Variants in FHIT observed in about 807,000 individuals in gnomAD.
FHIT encodes bis(5'-adenosyl)-triphosphatase.
A neutral mutation model predicts 17.9 loss-of-function variants in FHIT; 19 were observed. The ratio of observed to expected loss-of-function variants is 1.06; its 90% CI spans 0.74 to 1.56. The LOEUF (loss-of-function observed/expected upper bound fraction) is 1.56. Among genes scored for constraint, FHIT ranks in the 40% most tolerant of loss-of-function variants. FHIT has a pLI of 0.00. For synonymous variants in FHIT, 81 were observed against 69.7 expected, an observed-to-expected ratio of 1.16 and a Z score of -0.81; for missense variants, 248 against 189.2, an observed-to-expected ratio of 1.31 and a Z score of -1.82.
intron 5 of FHIT, among the ~76,000 whole-genome samples, chr3:60,180,704 G>T (rs550912249): frequency 6.6e-6 from 1 of 152,050 alleles, no homozygotes; most frequent in African/African-American, 2.4e-5. Context: ...ATAATTTGAC[G>T]TTGATGCTTT....
intron 5 of FHIT, among the ~76,000 whole-genome samples, chr3:60,029,161 A>G (rs1316521937): frequency 6.6e-6 from 1 of 152,140 alleles, no homozygotes; most frequent in Admixed American, 6.6e-5. Context: ...ATTTCTTTAT[A>G]CTCTGATAAC....
At chr3:59,850,717 G>A (rs1025115244) in intron 8 of FHIT, among the ~76,000 whole-genome samples, 1 of 152,158 alleles carries the variant, frequency 6.6e-6, no homozygotes, top group Non-Finnish European at 1.5e-5. Context: ...CTGACACTGG[G>A]AACAATGACT....
At chr3:60,580,954 G>A (rs2037731068) in intron 4 of FHIT, among the ~76,000 whole-genome samples, 1 of 152,032 alleles carries the variant, frequency 6.6e-6, no homozygotes, top group Non-Finnish European at 1.5e-5. Flanking sequence ...TCACCAGGAA[G>A]CTTTTAAAAT....
At chr3:59,793,008 T>C (rs2106937816) in intron 8 of FHIT, among the ~76,000 whole-genome samples, 1 of 152,148 alleles carries the variant, frequency 6.6e-6, no homozygotes, top group African/African-American at 2.4e-5. Flanking sequence ...TGACTGCTTG[T>C]TTATTCCTTT....
intron 5 of FHIT, among the ~76,000 whole-genome samples, chr3:60,055,448 C>CTT (rs4024133): frequency 0.37 from 52,622 of 142,848 alleles, 10,235 homozygotes; most frequent in Middle Eastern, 0.54. Context: ...GATGGACTTT[C>CTT]TTTTTTTTTT....
chr3:60,676,160 C>T (rs2040616998), intron 4 of FHIT, among the ~76,000 whole-genome samples: 1 of 152,200 alleles, frequency 6.6e-6, no homozygotes, highest in African/African-American at 2.4e-5. Context: ...CAGATGCTCC[C>T]TTTCAGGTTG....
intron 5 of FHIT, among the ~76,000 whole-genome samples, chr3:60,217,358 C>T (rs568672425): frequency 1.2e-4 from 18 of 152,146 alleles, no homozygotes; most frequent in African/African-American, 3.4e-4. Flanking sequence ...TTGAGCTCAT[C>T]GCCCATATCC....
At chr3:59,836,875 A>C (rs1701357618) in intron 8 of FHIT, among the ~76,000 whole-genome samples, 1 of 152,188 alleles carries the variant, frequency 6.6e-6, no homozygotes, top group African/African-American at 2.4e-5. Context: ...GCCCCTGCAA[A>C]GGCAGAATGG....
intron 7 of FHIT, among the ~76,000 whole-genome samples, chr3:59,971,250 G>A (rs967020510): frequency 6.6e-6 from 1 of 152,088 alleles, no homozygotes; most frequent in Non-Finnish European, 1.5e-5. Context: ...ACAAATTACA[G>A]GGAATACGAA....
intron 2 of FHIT, among the ~76,000 whole-genome samples, chr3:61,086,929 C>T (rs1396638049): frequency 6.6e-6 from 1 of 152,016 alleles, no homozygotes; most frequent in Non-Finnish European, 1.5e-5. Flanking sequence ...CATCTCCTAC[C>T]ACTCACTCCC....
chr3:60,859,618 T>C (rs1201839501), intron 3 of FHIT, among the ~76,000 whole-genome samples: 3 of 151,732 alleles, frequency 2.0e-5, no homozygotes, highest in East Asian at 1.9e-4. Flanking sequence ...TGAAGGCTAC[T>C]TGTTAAAGAA....
intron 3 of FHIT, among the ~76,000 whole-genome samples, chr3:60,935,255 C>T (rs1439435379): frequency 6.6e-6 from 1 of 152,158 alleles, no homozygotes; most frequent in African/African-American, 2.4e-5. Context: ...CCTTTTGGAA[C>T]AAGATAAATC....
At chr3:61,063,489 A>T (rs2034499724) in intron 2 of FHIT, among the ~76,000 whole-genome samples, 1 of 152,162 alleles carries the variant, frequency 6.6e-6, no homozygotes, top group Admixed American at 6.5e-5. Flanking sequence ...CCAGAAGAGC[A>T]AAACAATCCC....
chr3:60,957,721 G>A (rs1016646660), intron 3 of FHIT, among the ~76,000 whole-genome samples: 2 of 152,190 alleles, frequency 1.3e-5, no homozygotes, highest in Non-Finnish European at 2.9e-5. Flanking sequence ...CCTCTCGGAA[G>A]CCCAGCCTGA....
chr3:59,994,028 A>G (rs1174819483), intron 7 of FHIT, among the ~76,000 whole-genome samples: 1 of 152,068 alleles, frequency 6.6e-6, no homozygotes, highest in Non-Finnish European at 1.5e-5. Context: ...CTATGACACC[A>G]AGCACCATCA....
chr3:60,798,284 G>GA (rs1387814454), intron 4 of FHIT, among the ~76,000 whole-genome samples: 1 of 151,726 alleles, frequency 6.6e-6, no homozygotes, highest in East Asian at 1.9e-4. Context: ...ATGAAGATGA[G>GA]AAAAAATAAC....
chr3:60,583,892 G>A (rs1389368106), intron 4 of FHIT, among the ~76,000 whole-genome samples: 1 of 152,048 alleles, frequency 6.6e-6, no homozygotes, highest in Non-Finnish European at 1.5e-5. Flanking sequence ...AATTCTCTCA[G>A]TAGTAAAAGT....
chr3:61,116,088 C>T (rs2036290939), intron 2 of FHIT, among the ~76,000 whole-genome samples: 1 of 151,950 alleles, frequency 6.6e-6, no homozygotes, highest in Admixed American at 6.6e-5. Context: ...ACAACATTTA[C>T]AACAGGTAAC....
chr3:60,323,965 G>C (rs999517789), intron 5 of FHIT, among the ~76,000 whole-genome samples: 4 of 134,674 alleles, frequency 3.0e-5, no homozygotes, highest in Non-Finnish European at 1.6e-5. Flanking sequence ...TCCCAAGCTT[G>C]CCAGAAACAC....
Sources: gnomAD v4.1 joint callset for allele counts (sites outside exome capture counted in the v4.1 genomes callset) on GRCh38, gnomAD v4.1.1 for gene constraint, MANE v1.5 for transcripts, NCBI Gene and HGNC (gene_info 2026-07-23, HGNC 2026-07-21) for gene names.